Variants in SH2D4A observed in about 807,000 individuals in gnomAD.
SH2D4A encodes SH2 domain-containing protein 4A.
SH2D4A carries 70 observed loss-of-function variants against 64.7 expected under a neutral mutation model. The ratio of observed to expected loss-of-function variants is 1.08; its 90% CI spans 0.89 to 1.32. The LOEUF is 1.32. Among genes scored for constraint, SH2D4A ranks in the 40% most tolerant of loss-of-function variants. SH2D4A has a pLI of 0.00. For synonymous variants in SH2D4A, 268 were observed against 200.7 expected (o/e 1.34, Z -2.83); for missense variants, 706 against 540.1 (o/e 1.31, Z -3.04).
Position 19,313,810 on chromosome 8 carries a change from G to A in SH2D4A, c.-218G>A. The A allele has an allele frequency of 6.6e-7, 1 of 1,507,756 alleles. No homozygotes were observed. Among genetic ancestry groups the A allele is most frequent in the South Asian group, 1.2e-5 (1 of 81,966 alleles). 93.4% of individuals were successfully genotyped at this position (1,507,756 alleles called of 1,614,324 possible). On this transcript the variant is annotated 5_prime_UTR_variant, in exon 1 of 10. Transcript: ENST00000265807. ...GGGTGATCGAGCCACCCTGCCCAGG[G>A]GCGCCCAGCACTGGTAGGTGCTGGG...
intron 4 of SH2D4A, among the ~76,000 whole-genome samples, chr8:19,348,879 G>A (rs974007072): frequency 6.6e-6 from 1 of 152,152 alleles, no homozygotes; most frequent in Non-Finnish European, 1.5e-5. Context: ...CGTTCCTGGG[G>A]TTAGCAGAAC....
At chr8:19,356,177 A>G (rs2052788329) in intron 4 of SH2D4A, among the ~76,000 whole-genome samples, 1 of 152,192 alleles carries the variant, frequency 6.6e-6, no homozygotes, top group Non-Finnish European at 1.5e-5. Context: ...GCCTGTTGTC[A>G]ACTGCATTAT....
At chr8:19,350,220 G>C (rs2052678791) in intron 4 of SH2D4A, among the ~76,000 whole-genome samples, 1 of 152,098 alleles carries the variant, frequency 6.6e-6, no homozygotes, top group Non-Finnish European at 1.5e-5. Flanking sequence ...CGTCTCCCTG[G>C]ATGAGAATGT....
At chr8:19,361,611 T>G (rs1291272786) in intron 6 of SH2D4A, among the ~76,000 whole-genome samples, 1 of 152,192 alleles carries the variant, frequency 6.6e-6, no homozygotes, top group Non-Finnish European at 1.5e-5. Flanking sequence ...CTTAGACTGT[T>G]TATATCTCAT....
intron 8 of SH2D4A, among the ~76,000 whole-genome samples, chr8:19,391,125 G>C (rs12543009): frequency 1.3e-3 from 193 of 152,272 alleles, no homozygotes; most frequent in African/African-American, 4.4e-3. Context: ...ACATCCCTGG[G>C]TTTCGGAGTC....
chr8:19,356,316 A>G (rs1471714380), intron 4 of SH2D4A, among the ~76,000 whole-genome samples: 2 of 152,252 alleles, frequency 1.3e-5, no homozygotes, highest in Middle Eastern at 3.4e-3. Flanking sequence ...GATCCTCTGT[A>G]CTCCTTCTGA....
intron 4 of SH2D4A, among the ~76,000 whole-genome samples, chr8:19,342,424 A>G (rs2052543372): frequency 6.6e-6 from 1 of 152,256 alleles, no homozygotes; most frequent in African/African-American, 2.4e-5. Flanking sequence ...AGAAAGCTAC[A>G]CATGGTAAGA....
At chr8:19,385,531 T>G (rs559392643) in intron 8 of SH2D4A, among the ~76,000 whole-genome samples, 1 of 152,178 alleles carries the variant, frequency 6.6e-6, no homozygotes, top group Non-Finnish European at 1.5e-5. Context: ...TCTTCCATTT[T>G]TTGATACATC....
chr8:19,377,265 C>T (rs1380398176), intron 8 of SH2D4A, among the ~76,000 whole-genome samples: 1 of 152,134 alleles, frequency 6.6e-6, no homozygotes, highest in Admixed American at 6.6e-5. Flanking sequence ...ACCTGTAGTT[C>T]CAGCTACTTG....
intron 7 of SH2D4A, among the ~76,000 whole-genome samples, chr8:19,368,038 C>T (rs1386629948): frequency 1.3e-5 from 2 of 152,130 alleles, no homozygotes; most frequent in East Asian, 3.8e-4. Context: ...CTGATTTTTG[C>T]ACATAGCAAG....
chr8:19,337,463 C>T (rs917605539), intron 4 of SH2D4A, among the ~76,000 whole-genome samples: 17 of 152,124 alleles, frequency 1.1e-4, no homozygotes, highest in African/African-American at 3.9e-4. Context: ...TAAAGGATCT[C>T]AAGATGAGAT....
At chr8:19,314,979 G>A (rs988028684) in intron 1 of SH2D4A, among the ~76,000 whole-genome samples, 1 of 152,098 alleles carries the variant, frequency 6.6e-6, no homozygotes, top group African/African-American at 2.4e-5. Flanking sequence ...AATTCAAACT[G>A]TATTGTTAAT....
rs148895383 is a variant in SH2D4A, at chr8:19,351,943, C to A, written c.514-5260C>A. Among the ~76,000 whole-genome samples, 107 of 152,196 alleles carry A rather than the reference C, an allele frequency of 7.0e-4. 3 individuals carry two copies. The East Asian group carries it at 0.02, about 29-fold the overall frequency. On this transcript the variant is annotated intron_variant, in intron 4 of 9. Transcript: ENST00000265807. Reference sequence around the variant, plus strand: ...CGATTACAGGCACCCACCATCATGCCTGGCTAATTTTTGTACTTTCGTAGA... The same window carrying A: ...CGATTACAGGCACCCACCATCATGCATGGCTAATTTTTGTACTTTCGTAGA...
intron 7 of SH2D4A, 86 bp from the exon 8 acceptor site, chr8:19,373,444 G>A (rs1004051978): frequency 6.7e-4 from 404 of 600,570 alleles, no homozygotes; most frequent in African/African-American, 2.7e-3. Flanking sequence ...ATGTGTGTGT[G>A]TATATATATA....
At chr8:19,325,939 CCGCTCTGT>C (rs2052272112) in intron 2 of SH2D4A, among the ~76,000 whole-genome samples, 1 of 152,184 alleles carries the variant, frequency 6.6e-6, no homozygotes. Flanking sequence ...CATCACCCTG[CCGCTCTGT>C]GGAGCTGGGA....
intron 4 of SH2D4A, among the ~76,000 whole-genome samples, chr8:19,338,221 A>G (rs1438742509): frequency 1.3e-5 from 2 of 152,240 alleles, no homozygotes. Flanking sequence ...TTAGAGAGAC[A>G]GACCCACTTT....
At chr8:19,352,924 C>T (rs563487279) in intron 4 of SH2D4A, among the ~76,000 whole-genome samples, 1 of 152,092 alleles carries the variant, frequency 6.6e-6, no homozygotes. Context: ...GTGGGAGGAT[C>T]ACTTGAGCCC....
chr8:19,373,376 A>T (rs937355432), intron 7 of SH2D4A, among the ~76,000 whole-genome samples, 154 bp from the exon 8 acceptor site: 18 of 150,896 alleles, frequency 1.2e-4, no homozygotes, highest in African/African-American at 4.1e-4. Flanking sequence ...ATATATTTGC[A>T]TGTATAAAGC....
chr8:19,320,483 G>A (rs112966964), intron 2 of SH2D4A, among the ~76,000 whole-genome samples: 9,826 of 151,916 alleles, frequency 0.065, 358 homozygotes, highest in South Asian at 0.11. Flanking sequence ...AATTAGCTGG[G>A]CATGGTGGTA....
Sources: gnomAD v4.1 joint callset for allele counts (sites outside exome capture counted in the v4.1 genomes callset) on GRCh38, gnomAD v4.1.1 for gene constraint, MANE v1.5 for transcripts, NCBI Gene and HGNC (gene_info 2026-07-23, HGNC 2026-07-21) for gene names.